The following HERC2 variants were observed in gnomAD, a reference collection of about 807,000 sequenced individuals.
HERC2 encodes E3 ubiquitin-protein ligase HERC2.
HERC2 carries 102 observed loss-of-function variants against 537.7 expected under a neutral mutation model. That is an observed-to-expected ratio of 0.19 (90% CI 0.16 to 0.22). The LOEUF (loss-of-function observed/expected upper bound fraction) is 0.22. Among genes scored for constraint, HERC2 ranks in the 10% least tolerant of loss-of-function variants. HERC2 has a pLI of 1.00. For synonymous variants in HERC2, 2,224 were observed against 2,466.2 expected, an observed-to-expected ratio of 0.90 and a Z score of 2.91; for missense variants, 4,236 against 6,198.2, an observed-to-expected ratio of 0.68 and a Z score of 10.63.
chr15:28,116,218 TTTTC>T (rs1888229888), intron 88 of HERC2, among the ~76,000 whole-genome samples: 1 of 94,792 alleles, frequency 1.1e-5, no homozygotes. Flanking sequence ...AGTCTTTTCT[TTTTC>T]TTTTTTTTTT....
At chr15:28,301,735 GTATATATATATATATATATATATATATA>G (rs55977156) in intron 2 of HERC2, among the ~76,000 whole-genome samples, 2,801 of 35,528 alleles carry the variant, frequency 0.079, 112 homozygotes, top group African/African-American at 0.15. Flanking sequence ...GTATGTATGT[GTATATATATATATATATATATATATATA>G]TATATATATA....
chr15:28,132,880 A>C, intron 79 of HERC2, 50 bp from the exon 80 acceptor site: 1 of 1,344,928 alleles, frequency 7.4e-7, no homozygotes, highest in Non-Finnish European at 9.8e-7. Context: ...ATTCTTAAAC[A>C]TTTTTCAGTG....
At chr15:28,117,552 A>T (rs1224237494) in intron 86 of HERC2, 1 of 495,462 alleles carries the variant, frequency 2.0e-6, no homozygotes, top group African/African-American at 1.9e-5. Flanking sequence ...ATGAAATAAG[A>T]CACCAGGAAC....
intron 36 of HERC2, 65 bp from the exon 37 acceptor site, chr15:28,220,709 C>T: frequency 7.5e-7 from 1 of 1,332,596 alleles, no homozygotes; most frequent in Non-Finnish European, 1.1e-6. Flanking sequence ...TTCCATGGCT[C>T]CCAGCAGACC....
intron 2 of HERC2, among the ~76,000 whole-genome samples, chr15:28,299,822 G>C (rs568435248): frequency 6.6e-6 from 1 of 151,960 alleles, no homozygotes; most frequent in African/African-American, 2.4e-5. Flanking sequence ...GAGGCCGAGC[G>C]GGGCACATCA....
At chr15:28,293,932 T>C (rs2141153674) in intron 3 of HERC2, among the ~76,000 whole-genome samples, 1 of 152,358 alleles carries the variant, frequency 6.6e-6, no homozygotes, top group Non-Finnish European at 1.5e-5. Context: ...AACCTTAACC[T>C]TGAAGTGTAA....
At chr15:28,125,851 C>T (rs1889417278) in intron 83 of HERC2, among the ~76,000 whole-genome samples, 1 of 152,140 alleles carries the variant, frequency 6.6e-6, no homozygotes, top group East Asian at 1.9e-4. Context: ...CACTTTGTCG[C>T]CCAGGCTGGA....
At chr15:28,124,827 G>A (rs566954105) in intron 84 of HERC2, among the ~76,000 whole-genome samples, 179 bp downstream of exon 84, 82 of 152,346 alleles carry the variant, frequency 5.4e-4, no homozygotes, top group African/African-American at 1.9e-3. Context: ...TGGGATTACA[G>A]GTGTGAGCCA....
chr15:28,300,578 T>G (rs147301001), intron 2 of HERC2, among the ~76,000 whole-genome samples: 7,503 of 147,188 alleles, frequency 0.051, 275 homozygotes, highest in African/African-American at 0.19. Context: ...ATCCCAGCAT[T>G]TGGCAGGCCA....
Position 28,233,161 on chromosome 15 carries a change from G to C in HERC2, c.4660C>G (p.Arg1554Gly). 1.9e-6 allele frequency: 3 copies of C among 1,610,700 alleles called. No homozygotes were observed. The highest frequency in any genetic ancestry group is 1.1e-5 in the South Asian group (1 of 90,870). ...ACATTCTTACCTCTCTTTTTCCTTCGTTCTCGAATTATCTTTTGAGCTATC... is the reference window on the plus strand; with the variant it reads ...ACATTCTTACCTCTCTTTTTCCTTCCTTCTCGAATTATCTTTTGAGCTATC... ...RRIAQKIIRE[R>G]RKKRVPKKPE... Residue 1554 changes from arginine to glycine, a missense_variant, in exon 30 of 93, where the codon CGA (arginine) becomes GGA (glycine). By Grantham distance (125) the Arg-to-Gly change is moderately radical. This residue lies in a region of HERC2 where 343 missense variants were observed against 417.2 expected (regional missense o/e 0.82). Coordinates refer to ENST00000261609, the MANE Select transcript of HERC2 (RefSeq NM_004667.6).
chr15:28,241,208 G>A (rs1438900863), intron 23 of HERC2, among the ~76,000 whole-genome samples: 1 of 151,984 alleles, frequency 6.6e-6, no homozygotes, highest in Non-Finnish European at 1.5e-5. Context: ...TAAAACACGG[G>A]CAAAAGACTT....
In HERC2 at chr15:28,175,663, G is replaced by C; in HGVS notation, c.9687-7C>G. On this transcript the variant is annotated splice_region_variant and splice_polypyrimidine_tract_variant and intron_variant, in intron 63 of 92. Transcript: ENST00000261609. ...GAAGTAATCCCCCTTTCCCCTGAGAGAAGGCCCATGGTGGAGAGTTACAAT... is the reference window on the plus strand; with the variant it reads ...GAAGTAATCCCCCTTTCCCCTGAGACAAGGCCCATGGTGGAGAGTTACAAT... The C allele has an allele frequency of 6.2e-7, 1 of 1,614,112 alleles. No homozygotes were observed. Among genetic ancestry groups the C allele is most frequent in the South Asian group, 1.1e-5 (1 of 91,080 alleles).
chr15:28,173,395 T>C (rs1894882207), intron 65 of HERC2, among the ~76,000 whole-genome samples: 1 of 152,192 alleles, frequency 6.6e-6, no homozygotes, highest in African/African-American at 2.4e-5. Flanking sequence ...TTAAAAAGAA[T>C]AAACTATCGA....
chr15:28,131,888 C>T (rs1193252909), intron 81 of HERC2, among the ~76,000 whole-genome samples: 1 of 152,218 alleles, frequency 6.6e-6, no homozygotes, highest in Non-Finnish European at 1.5e-5. Context: ...GCACATAGAA[C>T]ACCTTACTCC....
At position 28,132,124 on chromosome 15, in the gene HERC2, G is replaced by A. The variant is rs1365237089; in HGVS notation, c.12546C>T (p.Ser4182=). The change falls in exon 81 of 93, where the codon AGC becomes AGT. Residue 4182 remains serine (S), a synonymous_variant. Coordinates refer to ENST00000261609, the MANE Select transcript of HERC2 (RefSeq NM_004667.6). ...CCTTCATAGGCACTTTACAGCCATC[G>A]CTGCCTCCCCGGCCGAGCTTGCCGT... The part of the protein sequence containing the change: ...GDYGKLGRGG[S]DGCKVPMKID... The A allele has an allele frequency of 6.8e-6, 11 of 1,610,684 alleles. No homozygotes were observed. Among genetic ancestry groups the A allele is most frequent in the African/African-American group, 1.3e-5 (1 of 74,832 alleles).
intron 57 of HERC2, among the ~76,000 whole-genome samples, 175 bp from the exon 58 acceptor site, chr15:28,179,398 A>G (rs1266711356): frequency 6.6e-6 from 1 of 152,250 alleles, no homozygotes; most frequent in Non-Finnish European, 1.5e-5. Flanking sequence ...ATGGAGCTGA[A>G]AAATCCTTAC....
In HERC2 at chr15:28,229,618, A is replaced by G. The variant is rs200216580; in HGVS notation, c.4984-22T>C. 2.0e-4 allele frequency: 322 copies of G among 1,600,446 alleles called. 2 individuals carry two copies. The East Asian group carries it at 7.0e-3, about 35-fold the overall frequency. ...CCAACTGCAAAATATCAATGCATAC[A>G]GTTAAGTGTTATGTATATTACCCAA... is the stretch of plus-strand genomic sequence containing the variant. On this transcript the variant is annotated intron_variant, in intron 32 of 92. Transcript: ENST00000261609.
At chr15:28,230,537 C>T (rs776162899) in intron 30 of HERC2, 37 bp from the exon 31 acceptor site, 3 of 1,066,124 alleles carry the variant, frequency 2.8e-6, no homozygotes, top group South Asian at 2.7e-5. Flanking sequence ...AAAAATCATA[C>T]ACTTAAATAT....
intron 79 of HERC2, among the ~76,000 whole-genome samples, chr15:28,133,077 G>A (rs1399712627): frequency 2.6e-5 from 4 of 151,280 alleles, no homozygotes; most frequent in African/African-American, 4.9e-5. Flanking sequence ...GGTCAAGTTC[G>A]AAGCACAGAC....
Sources: allele counts gnomAD v4.1 joint callset (sites outside exome capture counted in the v4.1 genomes callset), GRCh38; gene constraint gnomAD v4.1.1; regional missense constraint gnomAD v4.1.1; transcripts MANE v1.5; gene names NCBI Gene and HGNC (gene_info 2026-07-23, HGNC 2026-07-21).